Variants in QSOX1 observed in about 807,000 individuals in gnomAD.
QSOX1 encodes sulfhydryl oxidase 1.
QSOX1 carries 40 observed loss-of-function variants against 76.1 expected under a neutral mutation model. The ratio of observed to expected loss-of-function variants is 0.53; its 90% CI spans 0.41 to 0.68. The LOEUF (loss-of-function observed/expected upper bound fraction) is 0.68, where lower values mean the gene tolerates loss of function less well. Among genes scored for constraint, QSOX1 ranks in the 30% least tolerant of loss-of-function variants. QSOX1 has a pLI of 0.00. For synonymous variants in QSOX1, 392 were observed against 413.1 expected, an observed-to-expected ratio of 0.95 and a Z score of 0.62; for missense variants, 931 against 974.3, an observed-to-expected ratio of 0.96 and a Z score of 0.59.
intron 1 of QSOX1, among the ~76,000 whole-genome samples, chr1:180,157,506 A>G (rs1488667489): frequency 6.6e-6 from 1 of 152,202 alleles, no homozygotes; most frequent in Admixed American, 6.5e-5. Flanking sequence ...GGACACCTGT[A>G]TCTTGAGGCA....
At chr1:180,168,136 A>G (rs1662673944) in intron 2 of QSOX1, among the ~76,000 whole-genome samples, 1 of 152,274 alleles carries the variant, frequency 6.6e-6, no homozygotes, top group South Asian at 2.1e-4. Flanking sequence ...GGCTGGGCAC[A>G]GCAGGGATGA....
chr1:180,189,818 A>G (rs981788481), intron 9 of QSOX1, 144 bp downstream of exon 9: 2 of 866,844 alleles, frequency 2.3e-6, no homozygotes, highest in Non-Finnish European at 3.4e-6. Context: ...TAATCAATAA[A>G]TGACTATTGA....
At chr1:180,159,632 C>G (rs1344506043) in intron 1 of QSOX1, among the ~76,000 whole-genome samples, 1 of 152,178 alleles carries the variant, frequency 6.6e-6, no homozygotes, top group African/African-American at 2.4e-5. Context: ...TTATTTCGGT[C>G]CCTTTTAAAG....
At chr1:180,159,031 G>C (rs1003463635) in intron 1 of QSOX1, among the ~76,000 whole-genome samples, 3 of 152,176 alleles carry the variant, frequency 2.0e-5, no homozygotes, top group Non-Finnish European at 2.9e-5. Context: ...AGTGGGGCAG[G>C]GGACGCTGCC....
chr1:180,195,911 C>T (rs912107445), intron 11 of QSOX1, among the ~76,000 whole-genome samples: 4 of 152,190 alleles, frequency 2.6e-5, no homozygotes, highest in African/African-American at 7.2e-5. Context: ...TGCCCTTTCC[C>T]ATGTCTGGTA....
chr1:180,155,249 C>A, intron 1 of QSOX1, 77 bp downstream of exon 1: 1 of 1,301,474 alleles, frequency 7.7e-7, no homozygotes, highest in Non-Finnish European at 1.0e-6. Flanking sequence ...CAGCCTCCTA[C>A]TCCGGGAGCG....
chr1:180,182,484 G>A (rs534706027), intron 6 of QSOX1, among the ~76,000 whole-genome samples, 165 bp downstream of exon 6: 1 of 152,172 alleles, frequency 6.6e-6, no homozygotes, highest in Admixed American at 6.5e-5. Flanking sequence ...CGCCTCCACC[G>A]TCAGGAGCCT....
chr1:180,165,974 C>T (rs1200885536), intron 1 of QSOX1, among the ~76,000 whole-genome samples: 1 of 152,200 alleles, frequency 6.6e-6, no homozygotes, highest in Non-Finnish European at 1.5e-5. Flanking sequence ...GTTCCTGATA[C>T]CCTTTACCCC....
At chr1:180,164,850 G>A (rs999388307) in intron 1 of QSOX1, among the ~76,000 whole-genome samples, 1 of 152,318 alleles carries the variant, frequency 6.6e-6, no homozygotes, top group African/African-American at 2.4e-5. Flanking sequence ...GCTGTACACA[G>A]CATCTGCTTA....
chr1:180,194,335 A>G lies in QSOX1; in HGVS notation c.1411A>G (p.Asn471Asp). The change falls in exon 11 of 12, where the codon AAC (asparagine) becomes GAC (aspartate). Residue 471 changes from asparagine to aspartate, a missense_variant. Asn to Asp is a conservative substitution (Grantham distance 23). Transcript: ENST00000367602. Reference sequence around the variant, plus strand: ...CTCCATGCACCGGGTGGGGAGTCCCAACGCCGCTGTCCTCTGGCTCTGGTC... The same window carrying G: ...CTCCATGCACCGGGTGGGGAGTCCCGACGCCGCTGTCCTCTGGCTCTGGTC... Reference protein sequence around the residue: ...AASMHRVGSPNAAVLWLWSSH... With the variant: ...AASMHRVGSPDAAVLWLWSSH... 12 of 1,606,270 alleles carry G rather than the reference A, an allele frequency of 7.5e-6. No individual in the cohort carries two copies. Among genetic ancestry groups the G allele is most frequent in the Non-Finnish European group, 1.0e-5 (12 of 1,175,050 alleles).
rs1663575136 is a variant in QSOX1 at position 180,199,068 on chromosome 1, T to G, written c.*2031T>G. Reference sequence around the variant, plus strand: ...GGGCTGCACAGTGTGTAGCCCAGCCTCCAGGTCCACGGAGTGGTGTGGACC... The same window carrying G: ...GGGCTGCACAGTGTGTAGCCCAGCCGCCAGGTCCACGGAGTGGTGTGGACC... On this transcript the variant is annotated 3_prime_UTR_variant, in exon 12 of 12. Transcript: ENST00000367602. 6.5e-6 allele frequency: 1 copy of G among 152,766 alleles called. No individual in the cohort carries two copies. Among genetic ancestry groups the G allele is most frequent in the Non-Finnish European group, 1.5e-5 (1 of 68,500 alleles). The allele number at this position is 152,766 out of a possible 1,614,324, so 9.5% of individuals were successfully genotyped here. A position where few individuals can be genotyped will look rare whatever the true frequency, so the allele number is the denominator to read the frequency against.
At chr1:180,189,252 C>T (rs1003032803) in intron 8 of QSOX1, among the ~76,000 whole-genome samples, 21 of 152,176 alleles carry the variant, frequency 1.4e-4, no homozygotes, top group Admixed American at 5.2e-4. Context: ...GGGTGCTGCA[C>T]AGGAGCCTGA....
chr1:180,189,717 T>A, intron 9 of QSOX1, 43 bp downstream of exon 9: 3 of 1,595,696 alleles, frequency 1.9e-6, no homozygotes, highest in Non-Finnish European at 2.6e-6. Context: ...TCCTCCGTAT[T>A]TATGAGAGTG....
chr1:180,181,110 T>G lies in QSOX1; in HGVS notation c.607-1064T>G, dbSNP rs1378186473. Among the ~76,000 whole-genome samples, 4 of 152,170 alleles carry G rather than the reference T, an allele frequency of 2.6e-5. No homozygotes were observed. In the East Asian group the frequency reaches 5.8e-4, roughly 22 times the overall value. On this transcript the variant is annotated intron_variant, in intron 5 of 11. Transcript: ENST00000367602. ...CTCTGAAGATAAATGAGGCAATCTG[T>G]GTGGACACTACATAATACCTATGCA...
rs1663526221 is a variant in QSOX1, at chr1:180,197,427, C to T, written c.*390C>T. The stretch of plus-strand genomic sequence containing the variant: ...GGGCAAGTGAAGCCAGAGGAGGGTC[C>T]CCCAGCTGGGTGGGCTGGAATGGAA... On this transcript the variant is annotated 3_prime_UTR_variant, in exon 12 of 12. Transcript: ENST00000367602. 6.3e-7 allele frequency: 1 copy of T among 1,592,912 alleles called. No individual in the cohort carries two copies. Among genetic ancestry groups the T allele is most frequent in the Non-Finnish European group, 8.6e-7 (1 of 1,163,154 alleles).
intron 2 of QSOX1, among the ~76,000 whole-genome samples, chr1:180,168,670 AT>A (rs376736779): frequency 0.046 from 6,785 of 148,686 alleles, 216 homozygotes; most frequent in Middle Eastern, 0.12. Flanking sequence ...TTTCTGTTCT[AT>A]TTTTTTTTTT....
At position 180,196,513 on chromosome 1, in the gene QSOX1, C is replaced by G. The variant is rs371276500; in HGVS notation, c.1720C>G (p.Arg574Gly). The G allele has an allele frequency of 1.2e-6, 2 of 1,613,978 alleles. No homozygotes were observed. The highest frequency in any genetic ancestry group is 2.7e-5 in the African/African-American group (2 of 74,914). Residue 574 changes from arginine to glycine, a missense_variant, in exon 12 of 12, where the codon CGG becomes GGG. Transcript: ENST00000367602. The surrounding 1 kb of genome is among the most constrained non-coding windows in gnomAD (Gnocchi z 4.1). Reference sequence around the variant, plus strand: ...GATGGGAGCCCTGGAGCTGGAAAGCCGGAATTCAACTCTGGACCCTGGGAA... The same window carrying G: ...GATGGGAGCCCTGGAGCTGGAAAGCGGGAATTCAACTCTGGACCCTGGGAA... Reference protein sequence around the residue: ...LAMGALELESRNSTLDPGKPE... With the variant: ...LAMGALELESGNSTLDPGKPE...
At chr1:180,158,060 C>A (rs1662411158) in intron 1 of QSOX1, among the ~76,000 whole-genome samples, 1 of 152,260 alleles carries the variant, frequency 6.6e-6, no homozygotes, top group Non-Finnish European at 1.5e-5. Context: ...ATTATTATGA[C>A]AATCCTTACC....
chr1:180,165,813 C>T lies in QSOX1; in HGVS notation c.266-678C>T, dbSNP rs143782848. 3.5e-4 allele frequency among the ~76,000 whole-genome samples: 54 copies of T among 152,340 alleles called. 1 individual carries two copies. In the East Asian group the frequency reaches 0.01, roughly 28 times the overall value. ...TTCTTCTCAGTTCCTGGGCTGTGGC[C>T]CAGAATGGTGCCATTATTCTCTCTG... On this transcript the variant is annotated intron_variant, in intron 1 of 11. Coordinates refer to ENST00000367602, the MANE Select transcript of QSOX1 (RefSeq NM_002826.5).
Sources: gnomAD v4.1 joint callset for allele counts (sites outside exome capture counted in the v4.1 genomes callset) on GRCh38, gnomAD v4.1.1 for gene constraint, Gnocchi (gnomAD v3.1) non-coding constraint, MANE v1.5 for transcripts, NCBI Gene and HGNC (gene_info 2026-07-23, HGNC 2026-07-21) for gene names.